Variants in ESRRG observed in about 807,000 individuals in gnomAD.
ESRRG encodes estrogen-related receptor gamma.
A neutral mutation model predicts 44.0 loss-of-function variants in ESRRG; 13 were observed. The observed-to-expected ratio is 0.30, with a 90% CI of 0.19 to 0.47. The LOEUF (loss-of-function observed/expected upper bound fraction) is 0.47. ESRRG is among the 20% of genes least tolerant of loss of function. The pLI is 1.00. For missense variants in ESRRG, 395 were observed against 580.6 expected (o/e 0.68, Z 3.29); for synonymous variants, 215 against 214.6 (o/e 1.00, Z -0.02).
Position 217,132,123 on chromosome 1 carries a change from T to C in ESRRG, c.-230+5544A>G, listed in dbSNP as rs560024972. Among the ~76,000 whole-genome samples, 3 of 152,300 alleles carry C rather than the reference T, an allele frequency of 2.0e-5. No homozygotes were observed. The South Asian group carries it at 6.2e-4, about 32-fold the overall frequency. On this transcript the variant is annotated intron_variant, in intron 1 of 8. Transcript: ENST00000366940. Reference sequence around the variant, plus strand: ...AATTGTTCCAACTTTTAGGAAAAGCTTAGCCATTGCCTTCATCTGTCCATG... The same window carrying C: ...AATTGTTCCAACTTTTAGGAAAAGCCTAGCCATTGCCTTCATCTGTCCATG...
At chr1:217,087,850 G>A (rs764462341) in intron 1 of ESRRG, among the ~76,000 whole-genome samples, 9 of 152,126 alleles carry the variant, frequency 5.9e-5, no homozygotes, top group Non-Finnish European at 1.2e-4. Context: ...TTATATACTT[G>A]ATTCTTTTTC....
At chr1:216,878,392 C>T (rs755584240) in intron 2 of ESRRG, among the ~76,000 whole-genome samples, 2 of 151,990 alleles carry the variant, frequency 1.3e-5, no homozygotes, top group African/African-American at 2.4e-5. Context: ...ATATGTTCTT[C>T]GTTAAATATA....
intron 1 of ESRRG, among the ~76,000 whole-genome samples, chr1:217,122,796 G>A (rs760604894): frequency 1.3e-5 from 2 of 149,918 alleles, no homozygotes; most frequent in African/African-American, 2.5e-5. Flanking sequence ...TCAGCCTCCC[G>A]AGTAGCTGGG....
chr1:216,892,404 C>T (rs2057917888), intron 2 of ESRRG, among the ~76,000 whole-genome samples: 1 of 152,252 alleles, frequency 6.6e-6, no homozygotes, highest in African/African-American at 2.4e-5. Context: ...CTAGTAAGAG[C>T]ATTGACTTCT....
intron 2 of ESRRG, among the ~76,000 whole-genome samples, chr1:216,892,326 T>C (rs1169491974): frequency 2.0e-5 from 3 of 152,130 alleles, no homozygotes; most frequent in Admixed American, 6.6e-5. Flanking sequence ...CCTAGAGATC[T>C]GTTTATTTTG....
intron 2 of ESRRG, among the ~76,000 whole-genome samples, chr1:216,874,709 G>A (rs1428912630): frequency 6.6e-6 from 1 of 152,212 alleles, no homozygotes; most frequent in Non-Finnish European, 1.5e-5. Context: ...CTGTGAGGGT[G>A]TTGTCAAAGG....
chr1:217,134,428 C>A (rs1376134171), intron 1 of ESRRG, among the ~76,000 whole-genome samples: 2 of 152,216 alleles, frequency 1.3e-5, no homozygotes, highest in African/African-American at 4.8e-5. Context: ...GGGCACAGGG[C>A]CCTGCGCGCC....
chr1:216,979,163 C>T (rs1280636841), intron 1 of ESRRG, among the ~76,000 whole-genome samples: 7 of 152,116 alleles, frequency 4.6e-5, no homozygotes, highest in South Asian at 2.1e-4. Flanking sequence ...CCTACCCTTC[C>T]CACCCCATAT....
chr1:216,968,082 G>T (rs1267062929), intron 1 of ESRRG, among the ~76,000 whole-genome samples: 1 of 151,878 alleles, frequency 6.6e-6, no homozygotes, highest in East Asian at 1.9e-4. Flanking sequence ...TTTTTTAATT[G>T]GGTTATTTGA....
intron 5 of ESRRG, among the ~76,000 whole-genome samples, chr1:216,519,848 A>C (rs964667203): frequency 1.4e-4 from 21 of 151,684 alleles, no homozygotes; most frequent in South Asian, 6.2e-4. Context: ...GGAGAAGAAG[A>C]AGCAGCTAAA....
intron 1 of ESRRG, among the ~76,000 whole-genome samples, chr1:217,020,688 T>A (rs1262698602): frequency 1.3e-5 from 2 of 152,168 alleles, no homozygotes; most frequent in African/African-American, 2.4e-5. Context: ...TTCTCTCGTT[T>A]AAGACTTATA....
At chr1:216,803,831 G>A (rs2094700836) in intron 2 of ESRRG, among the ~76,000 whole-genome samples, 1 of 152,068 alleles carries the variant, frequency 6.6e-6, no homozygotes, top group African/African-American at 2.4e-5. Context: ...CCACTGTTAA[G>A]AGTTTTATTC....
intron 1 of ESRRG, among the ~76,000 whole-genome samples, chr1:216,712,917 A>G (rs553990358): frequency 1.1e-4 from 16 of 152,204 alleles, no homozygotes; most frequent in South Asian, 2.1e-4. Context: ...GAACTTTCCA[A>G]TGAAATATAT....
Position 216,677,403 on chromosome 1 carries a change from G to A in ESRRG, c.145C>T (p.Leu49=). The change falls in exon 2 of 7, where the codon CTG becomes TTG. Residue 49 remains leucine (L), a synonymous_variant. Coordinates refer to ENST00000408911, the MANE Select transcript of ESRRG (RefSeq NM_001438.4). The part of the protein sequence containing the change: ...IKTEPSSPAS[L]TDSVNHHSPG... ...CTGTGGTGGTTGACGCTGTCCGTCAGGGAGGCTGGGCTGGAAGGTTCCGTC... is the reference window on the plus strand; with the variant it reads ...CTGTGGTGGTTGACGCTGTCCGTCAAGGAGGCTGGGCTGGAAGGTTCCGTC... 1 of 1,614,178 alleles carries A rather than the reference G, an allele frequency of 6.2e-7. No individual in the cohort carries two copies. The highest frequency in any genetic ancestry group is 1.3e-5 in the African/African-American group (1 of 75,046).
intron 1 of ESRRG, among the ~76,000 whole-genome samples, chr1:217,058,639 A>G (rs987876426): frequency 6.6e-6 from 1 of 152,114 alleles, no homozygotes; most frequent in Non-Finnish European, 1.5e-5. Context: ...GTTTTCAATA[A>G]CCACATTAGT....
intron 2 of ESRRG, among the ~76,000 whole-genome samples, chr1:216,914,796 A>T (rs1462009927): frequency 6.6e-6 from 1 of 152,164 alleles, no homozygotes; most frequent in East Asian, 1.9e-4. Context: ...TCTATGAAGC[A>T]CTGGCCACCA....
chr1:216,774,016 A>G (rs916581441), intron 2 of ESRRG, among the ~76,000 whole-genome samples: 1 of 152,162 alleles, frequency 6.6e-6, no homozygotes, highest in Non-Finnish European at 1.5e-5. Flanking sequence ...TTTACTCTTC[A>G]TAACAGTTCT....
chr1:216,743,376 C>A (rs530929918), intron 2 of ESRRG, among the ~76,000 whole-genome samples: 31 of 152,154 alleles, frequency 2.0e-4, no homozygotes, highest in Non-Finnish European at 4.4e-4. Flanking sequence ...ATGGAGAGAA[C>A]CCTGGAATAA....
chr1:217,104,186 C>T (rs1580584576), intron 1 of ESRRG, among the ~76,000 whole-genome samples: 1 of 152,288 alleles, frequency 6.6e-6, no homozygotes, highest in Non-Finnish European at 1.5e-5. Flanking sequence ...TGATCTAAGT[C>T]AAAGATGGGA....
Sources: gnomAD v4.1 joint callset for allele counts (sites outside exome capture counted in the v4.1 genomes callset) on GRCh38, gnomAD v4.1.1 for gene constraint, MANE v1.5 for transcripts, NCBI Gene and HGNC (gene_info 2026-07-23, HGNC 2026-07-21) for gene names.